The following EFNA4 variants were observed in gnomAD, a reference collection of about 807,000 sequenced individuals.
The protein encoded by EFNA4 is ephrin A4.
A neutral mutation model predicts 23.7 loss-of-function variants in EFNA4; 22 were observed. The observed-to-expected ratio is 0.93, with a 90% CI of 0.66 to 1.32. EFNA4 has a LOEUF of 1.32. Among genes scored for constraint, EFNA4 ranks in the 40% most tolerant of loss-of-function variants. The pLI is 0.00. For synonymous variants in EFNA4, 113 were observed against 108.3 expected, an observed-to-expected ratio of 1.04 and a Z score of -0.27; for missense variants, 252 against 252.3, an observed-to-expected ratio of 1.00 and a Z score of 0.01.
At chr1:155,064,485 C>G (rs1662943354) in intron 1 of EFNA4, among the ~76,000 whole-genome samples, 1 of 152,186 alleles carries the variant, frequency 6.6e-6, no homozygotes, top group Non-Finnish European at 1.5e-5. Flanking sequence ...GGGCAAGTCT[C>G]GTGACCTTCC....
chr1:155,068,601 C>T (rs2102445160), intron 3 of EFNA4, among the ~76,000 whole-genome samples: 1 of 152,048 alleles, frequency 6.6e-6, no homozygotes, highest in Non-Finnish European at 1.5e-5. Context: ...CTTTTTAAAG[C>T]TGGGCCAAGA....
chr1:155,068,261 CTTTT>C (rs35275098), intron 3 of EFNA4, among the ~76,000 whole-genome samples: 5 of 141,582 alleles, frequency 3.5e-5, no homozygotes, highest in Admixed American at 7.0e-5. Context: ...TCACTGCACA[CTTTT>C]TTTTTTTTTT....
chr1:155,064,041 C>G, intron 1 of EFNA4, 105 bp downstream of exon 1: 1 of 805,784 alleles, frequency 1.2e-6, no homozygotes, highest in Non-Finnish European at 1.8e-6. Flanking sequence ...AGCCTGGCCG[C>G]GCGCCGGGGC....
At chr1:155,066,553 A>C (rs571626878) in intron 1 of EFNA4, among the ~76,000 whole-genome samples, 177 bp from the exon 2 acceptor site, 1 of 151,912 alleles carries the variant, frequency 6.6e-6, no homozygotes, top group African/African-American at 2.4e-5. Context: ...CATTTCTTGC[A>C]CTCTCTTTGT....
intron 1 of EFNA4, 141 bp downstream of exon 1, chr1:155,064,077 G>A: frequency 1.5e-6 from 1 of 657,956 alleles, no homozygotes; most frequent in Non-Finnish European, 2.4e-6. Flanking sequence ...GGCGGGGGAG[G>A]GGGGAGGGGC....
chr1:155,067,030 G>T lies in EFNA4; in HGVS notation c.400+14G>T. On this transcript the variant is annotated intron_variant, in intron 2 of 3. Coordinates refer to ENST00000368409, the MANE Select transcript of EFNA4 (RefSeq NM_005227.3). The stretch of plus-strand genomic sequence containing the variant: ...ACTACTACATCTGTGAGTGGCCAAG[G>T]GCACACTGGACACCTCTTGTGTACC... 1.3e-6 allele frequency: 2 copies of T among 1,591,862 alleles called. No individual in the cohort carries two copies. The highest frequency in any genetic ancestry group is 1.7e-5 in the Admixed American group (1 of 57,666).
intron 1 of EFNA4, 36 bp from the exon 2 acceptor site, chr1:155,066,694 T>G: frequency 6.5e-7 from 1 of 1,532,658 alleles, no homozygotes; most frequent in South Asian, 1.3e-5. Flanking sequence ...CGTGGTGCCC[T>G]CCACTCCTCA....
intron 3 of EFNA4, among the ~76,000 whole-genome samples, chr1:155,067,907 C>T (rs1413964041): frequency 1.3e-5 from 2 of 151,958 alleles, no homozygotes; most frequent in Non-Finnish European, 2.9e-5. Context: ...AGGCATGAGC[C>T]ACCACCCCCA....
chr1:155,068,915 G>A lies in EFNA4; in HGVS notation c.532G>A (p.Gly178Arg). 1.2e-6 allele frequency: 2 copies of A among 1,614,020 alleles called. No individual in the cohort carries two copies. Among genetic ancestry groups the A allele is most frequent in the Non-Finnish European group, 1.7e-6 (2 of 1,179,974 alleles). Reference protein sequence around the residue: ...GESGTSGWRGGDTPSPLCLLL... With the variant: ...GESGTSGWRGRDTPSPLCLLL... ...GAGTGGCACATCAGGGTGGCGAGGGGGGGACACTCCCAGCCCCCTCTGTCT... is the reference window on the plus strand; with the variant it reads ...GAGTGGCACATCAGGGTGGCGAGGGAGGGACACTCCCAGCCCCCTCTGTCT... Residue 178 changes from glycine (G) to arginine (R), a missense_variant, in exon 4 of 4, where the codon GGG becomes AGG. Gly to Arg is a moderately radical substitution (Grantham distance 125). Coordinates refer to ENST00000368409, the MANE Select transcript of EFNA4 (RefSeq NM_005227.3).
chr1:155,068,461 T>TTTC (rs1553267674), intron 3 of EFNA4, among the ~76,000 whole-genome samples: 3 of 135,530 alleles, frequency 2.2e-5, no homozygotes, highest in Non-Finnish European at 4.6e-5. Context: ...TTTTTTTTTT[T>TTTC]AGTAGAGACA....
chr1:155,064,801 G>C (rs1425650030), intron 1 of EFNA4, among the ~76,000 whole-genome samples: 1 of 152,118 alleles, frequency 6.6e-6, no homozygotes, highest in African/African-American at 2.4e-5. Flanking sequence ...CACATACTGT[G>C]TGTGCCCGGC....
At position 155,063,780 on chromosome 1, in the gene EFNA4, G is replaced by A. The variant is rs1322365129; in HGVS notation, c.-44G>A. 2.8e-6 allele frequency: 4 copies of A among 1,451,994 alleles called. No individual in the cohort carries two copies. The South Asian group carries it at 5.2e-5, about 19-fold the overall frequency. The allele number at this position is 1,451,994 out of a possible 1,614,324, so 89.9% of individuals were successfully genotyped here. A position where few individuals can be genotyped will look rare whatever the true frequency, so the allele number is the denominator to read the frequency against. ...ACCTTTCTCTCCTCGACTGTGAAGCGGGCCGGGACCTGCCAGGCCAGACCA... is the reference window on the plus strand; with the variant it reads ...ACCTTTCTCTCCTCGACTGTGAAGCAGGCCGGGACCTGCCAGGCCAGACCA... On this transcript the variant is annotated 5_prime_UTR_variant, in exon 1 of 4. Coordinates refer to ENST00000368409, the MANE Select transcript of EFNA4 (RefSeq NM_005227.3). This position sits in a 1 kb window ranked among gnomAD's most constrained non-coding sequence, Gnocchi z 4.1.
At position 155,069,252 on chromosome 1, in the gene EFNA4, T is replaced by C; in HGVS notation, c.*263T>C. The C allele has an allele frequency of 6.9e-7, 1 of 1,445,022 alleles. No individual in the cohort carries two copies. The highest frequency in any genetic ancestry group is 1.4e-5 in the African/African-American group (1 of 69,102). The allele number at this position is 1,445,022 out of a possible 1,614,324, so 89.5% of individuals were successfully genotyped here. A position where few individuals can be genotyped will look rare whatever the true frequency, so the allele number is the denominator to read the frequency against. ...GGCGCTTTGCAGGCTGCTCTGAGGG[T>C]CTCAGCCCATCCCCCAGGAGGACTG... is the stretch of plus-strand genomic sequence containing the variant. On this transcript the variant is annotated 3_prime_UTR_variant, in exon 4 of 4. Coordinates refer to ENST00000368409, the MANE Select transcript of EFNA4 (RefSeq NM_005227.3).
intron 3 of EFNA4, 139 bp downstream of exon 3, chr1:155,067,579 C>G: frequency 1.1e-6 from 1 of 919,644 alleles, no homozygotes. Context: ...CCCCATTTAG[C>G]CTTGAGGGAG....
At position 155,063,753 on chromosome 1, in the gene EFNA4, G is replaced by A. The variant is rs1002230; in HGVS notation, c.-71G>A. ...TTTCCGCAACTTCCCTCTTCACTTT[G>A]TACCTTTCTCTCCTCGACTGTGAAG... is the stretch of plus-strand genomic sequence containing the variant. On this transcript the variant is annotated 5_prime_UTR_variant, in exon 1 of 4. Coordinates refer to ENST00000368409, the MANE Select transcript of EFNA4 (RefSeq NM_005227.3). This position sits in a 1 kb window ranked among gnomAD's most constrained non-coding sequence, Gnocchi z 4.1. The A allele has an allele frequency of 2.8e-3, 3,775 of 1,356,844 alleles. 10 individuals carry two copies. Among genetic ancestry groups the A allele is most frequent in the Admixed American group, 4.9e-3 (167 of 33,776 alleles). 84.1% of individuals were successfully genotyped at this position (1,356,844 alleles called of 1,614,324 possible). A position where few individuals can be genotyped will look rare whatever the true frequency, so the allele number is the denominator to read the frequency against.
At position 155,069,192 on chromosome 1, in the gene EFNA4, C is replaced by G. The variant is rs781344227; in HGVS notation, c.*203C>G. On this transcript the variant is annotated 3_prime_UTR_variant, in exon 4 of 4. Coordinates refer to ENST00000368409, the MANE Select transcript of EFNA4 (RefSeq NM_005227.3). Reference sequence around the variant, plus strand: ...AGGCTAAAGAAGAGCAGTAGACAGCCCTGGACACTCTGAAGCAGAGGCAAG... The same window carrying G: ...AGGCTAAAGAAGAGCAGTAGACAGCGCTGGACACTCTGAAGCAGAGGCAAG... 1 of 1,584,498 alleles carries G rather than the reference C, an allele frequency of 6.3e-7. No individual in the cohort carries two copies. The highest frequency in any genetic ancestry group is 1.2e-5 in the South Asian group (1 of 86,264).
intron 1 of EFNA4, among the ~76,000 whole-genome samples, chr1:155,064,298 G>T (rs942981459): frequency 6.6e-6 from 1 of 152,238 alleles, no homozygotes; most frequent in South Asian, 2.1e-4. Flanking sequence ...TTGAGAGCGA[G>T]GGAGGGGGCT....
Position 155,069,283 on chromosome 1 carries a change from T to C in EFNA4, c.*294T>C. On this transcript the variant is annotated 3_prime_UTR_variant, in exon 4 of 4. Transcript: ENST00000368409. ...CCCATCCCCCAGGAGGACTGGGATT[T>C]GGTATGATCAAATCCTCAAGCCAGC... The C allele has an allele frequency of 1.5e-6, 2 of 1,296,926 alleles. No homozygotes were observed. The highest frequency in any genetic ancestry group is 2.1e-6 in the Non-Finnish European group (2 of 968,726). 80.3% of individuals were successfully genotyped at this position (1,296,926 alleles called of 1,614,324 possible).
chr1:155,069,136 T>C lies in EFNA4; in HGVS notation c.*147T>C. On this transcript the variant is annotated 3_prime_UTR_variant, in exon 4 of 4. Coordinates refer to ENST00000368409, the MANE Select transcript of EFNA4 (RefSeq NM_005227.3). The stretch of plus-strand genomic sequence containing the variant: ...ATGGGGGAGATCAGAGGGTCTGAGG[T>C]GACTCTTGCAGGAGCCTGTCCCCTC... The C allele has an allele frequency of 6.2e-7, 1 of 1,610,752 alleles. No homozygotes were observed. Among genetic ancestry groups the C allele is most frequent in the Non-Finnish European group, 8.5e-7 (1 of 1,178,934 alleles).
Sources: gnomAD v4.1 joint callset for allele counts (sites outside exome capture counted in the v4.1 genomes callset) on GRCh38, gnomAD v4.1.1 for gene constraint, Gnocchi (gnomAD v3.1) non-coding constraint, MANE v1.5 for transcripts, NCBI Gene and HGNC (gene_info 2026-07-23, HGNC 2026-07-21) for gene names.